Variants in GNAL observed in about 807,000 individuals in gnomAD.
GNAL encodes G protein subunit alpha L.
Under a neutral mutation model 55.1 loss-of-function variants are expected in GNAL, and 18 were observed. The observed-to-expected ratio is 0.33, with a 90% CI of 0.23 to 0.48. The LOEUF (loss-of-function observed/expected upper bound fraction) is 0.48, where lower values mean the gene tolerates loss of function less well. GNAL is among the 20% of genes least tolerant of loss of function. The pLI, the probability that GNAL is intolerant of heterozygous loss-of-function variation, is 0.99. For missense variants in GNAL, 412 were observed against 614.1 expected (o/e 0.67, Z 3.48); for synonymous variants, 253 against 237.0 (o/e 1.07, Z -0.62).
intron 5 of GNAL, among the ~76,000 whole-genome samples, chr18:11,861,749 G>A (rs2036144140): frequency 6.6e-6 from 1 of 152,160 alleles, no homozygotes; most frequent in Non-Finnish European, 1.5e-5. Context: ...ATCCTGCCTT[G>A]TGTGGGACAC....
Position 11,753,696 on chromosome 18 carries a change from T to C in GNAL, c.504+14T>C. On this transcript the variant is annotated intron_variant, in intron 3 of 11. Coordinates refer to ENST00000334049, the MANE Select transcript of GNAL (RefSeq NM_182978.4). ...GATGCTATCGTGGTAAGGACTTTTT[T>C]AAATGATTGTTTACTAGAAAGGTCA... The C allele has an allele frequency of 3.2e-6, 5 of 1,566,840 alleles. No individual in the cohort carries two copies. Among genetic ancestry groups the C allele is most frequent in the Non-Finnish European group, 3.5e-6 (4 of 1,137,012 alleles).
At chr18:11,833,018 C>G (rs958804606) in intron 5 of GNAL, among the ~76,000 whole-genome samples, 1 of 151,766 alleles carries the variant, frequency 6.6e-6, no homozygotes, top group Non-Finnish European at 1.5e-5. Flanking sequence ...ATTTTGATCT[C>G]TATCTCTAGC....
intron 4 of GNAL, among the ~76,000 whole-genome samples, chr18:11,784,457 C>T (rs1050303025): frequency 2.0e-5 from 3 of 152,228 alleles, no homozygotes; most frequent in African/African-American, 7.2e-5. Context: ...CACCCCTGCA[C>T]TTACCAAAGC....
intron 4 of GNAL, among the ~76,000 whole-genome samples, chr18:11,772,907 TACATCCCTGTCCTGCGAAG>T (rs2033675663): frequency 6.6e-6 from 1 of 152,180 alleles, no homozygotes; most frequent in South Asian, 2.1e-4. Flanking sequence ...TACAGTCCCT[TACATCCCTGTCCTGCGAAG>T]ACAGCATTGC....
At chr18:11,714,834 A>G (rs998760475) in intron 1 of GNAL, among the ~76,000 whole-genome samples, 1 of 152,158 alleles carries the variant, frequency 6.6e-6, no homozygotes, top group Non-Finnish European at 1.5e-5. Flanking sequence ...TAGGGTCCCG[A>G]GATTTTATTT....
intron 1 of GNAL, among the ~76,000 whole-genome samples, chr18:11,733,455 A>C (rs1011724849): frequency 2.0e-5 from 3 of 152,244 alleles, no homozygotes; most frequent in Non-Finnish European, 4.4e-5. Flanking sequence ...GCTAAACGGC[A>C]GCAAGGTCCC....
chr18:11,800,500 TTTA>T (rs958689277), intron 4 of GNAL, among the ~76,000 whole-genome samples: 4 of 151,994 alleles, frequency 2.6e-5, no homozygotes, highest in African/African-American at 9.7e-5. Context: ...CAAGAAGCAG[TTTA>T]TTGTTGTGTG....
chr18:11,842,194 T>G (rs1026460518), intron 5 of GNAL, among the ~76,000 whole-genome samples: 2 of 152,014 alleles, frequency 1.3e-5, no homozygotes, highest in African/African-American at 4.8e-5. Flanking sequence ...TTGGTCAGGC[T>G]GGTCTCGAAT....
At chr18:11,825,927 G>A (rs770737911) in intron 5 of GNAL, among the ~76,000 whole-genome samples, 1 of 152,106 alleles carries the variant, frequency 6.6e-6, no homozygotes, top group Non-Finnish European at 1.5e-5. Flanking sequence ...ATTAAAAATT[G>A]TAGTTGACTA....
chr18:11,848,384 T>C (rs1158933213), intron 5 of GNAL, among the ~76,000 whole-genome samples: 1 of 152,042 alleles, frequency 6.6e-6, no homozygotes, highest in Non-Finnish European at 1.5e-5. Flanking sequence ...AAAGTAGAGG[T>C]GTCATCATCC....
chr18:11,719,112 CAT>C (rs1436961330), intron 1 of GNAL, among the ~76,000 whole-genome samples: 4 of 152,050 alleles, frequency 2.6e-5, no homozygotes, highest in African/African-American at 9.7e-5. Context: ...TTGAGGACCT[CAT>C]ATGTGTACTA....
intron 4 of GNAL, among the ~76,000 whole-genome samples, chr18:11,815,015 G>A (rs1170820828): frequency 6.6e-6 from 1 of 152,160 alleles, no homozygotes; most frequent in Non-Finnish European, 1.5e-5. Flanking sequence ...TGGGTACAGA[G>A]TTACAGTTAG....
intron 1 of GNAL, among the ~76,000 whole-genome samples, chr18:11,710,497 T>C (rs1180195492): frequency 8.5e-5 from 13 of 152,222 alleles, no homozygotes; most frequent in Admixed American, 7.2e-4. Flanking sequence ...GAATGAACTT[T>C]ATACTTTCAT....
chr18:11,829,314 T>C (rs2035323147), intron 5 of GNAL, among the ~76,000 whole-genome samples: 1 of 151,126 alleles, frequency 6.6e-6, no homozygotes, highest in Non-Finnish European at 1.5e-5. Context: ...TTTTAATACA[T>C]ACAGGAATCA....
At chr18:11,842,454 T>C (rs969663535) in intron 5 of GNAL, among the ~76,000 whole-genome samples, 1 of 152,148 alleles carries the variant, frequency 6.6e-6, no homozygotes, top group Non-Finnish European at 1.5e-5. Flanking sequence ...TACGTTGTAA[T>C]ATATAATGAA....
At chr18:11,754,018 A>T in intron 4 of GNAL, 73 bp downstream of exon 4, 1 of 1,073,616 alleles carries the variant, frequency 9.3e-7, no homozygotes, top group Non-Finnish European at 1.4e-6. Flanking sequence ...CTTATTGAGA[A>T]TCAATATTGA....
chr18:11,849,875 C>T (rs1164931017), intron 5 of GNAL, among the ~76,000 whole-genome samples: 1 of 152,216 alleles, frequency 6.6e-6, no homozygotes, highest in African/African-American at 2.4e-5. Context: ...TGCAGAGCGC[C>T]TGCTGGGCTC....
At chr18:11,785,697 T>C (rs923290228) in intron 4 of GNAL, among the ~76,000 whole-genome samples, 1 of 152,068 alleles carries the variant, frequency 6.6e-6, no homozygotes, top group Non-Finnish European at 1.5e-5. Context: ...CTTTTCTAAA[T>C]TGGGTTCAGG....
At chr18:11,695,381 A>G (rs958321497) in intron 1 of GNAL, among the ~76,000 whole-genome samples, 4 of 152,212 alleles carry the variant, frequency 2.6e-5, no homozygotes, top group African/African-American at 9.6e-5. Flanking sequence ...GCTCACGCAC[A>G]TGAGAGACCA....
Sources: gnomAD v4.1 joint callset for allele counts (sites outside exome capture counted in the v4.1 genomes callset) on GRCh38, gnomAD v4.1.1 for gene constraint, MANE v1.5 for transcripts, NCBI Gene and HGNC (gene_info 2026-07-23, HGNC 2026-07-21) for gene names.